Variants in SPON2 observed in about 807,000 individuals in gnomAD.
The protein encoded by SPON2 is spondin-2.
SPON2 carries 32 observed loss-of-function variants against 29.9 expected under a neutral mutation model. The ratio of observed to expected loss-of-function variants is 1.07; its 90% CI spans 0.81 to 1.44. The LOEUF (loss-of-function observed/expected upper bound fraction) is 1.44. SPON2 is among the 40% of genes most tolerant of loss of function. SPON2 has a pLI of 0.00. For synonymous variants in SPON2, 248 were observed against 209.1 expected, an observed-to-expected ratio of 1.19 and a Z score of -1.61; for missense variants, 541 against 455.5, an observed-to-expected ratio of 1.19 and a Z score of -1.71.
At chr4:1,197,009 A>C (rs1222259838), upstream of SPON2, 1 of 152,200 alleles carries the variant, frequency 6.6e-6, no homozygotes, top group Non-Finnish European at 1.5e-5. Flanking sequence ...ACTGAGATAG[A>C]AGACATAAAC....
chr4:1,173,927 G>A (rs1437916812), upstream of SPON2, among the ~76,000 whole-genome samples: 7 of 152,242 alleles, frequency 4.6e-5, no homozygotes, highest in South Asian at 2.1e-4. Flanking sequence ...AGGGCCAGGC[G>A]CAGTGGCTCA....
chr4:1,167,442 G>T lies in SPON2; in HGVS notation c.*30C>A, dbSNP rs954204031. 1 of 1,597,162 alleles carries T rather than the reference G, an allele frequency of 6.3e-7. No individual in the cohort carries two copies. The highest frequency in any genetic ancestry group is 8.5e-7 in the Non-Finnish European group (1 of 1,170,250). On this transcript the variant is annotated 3_prime_UTR_variant, in exon 6 of 6. Coordinates refer to ENST00000290902, the MANE Select transcript of SPON2 (RefSeq NM_012445.4). ...GAGCCCCCGACACCCCATGGCTCCGGGGGGCCCCAGGGGCTGCGGGGCTCT... is the reference window on the plus strand; with the variant it reads ...GAGCCCCCGACACCCCATGGCTCCGTGGGGCCCCAGGGGCTGCGGGGCTCT...
Position 1,170,429 on chromosome 4 carries a change from C to T in SPON2, c.784G>A (p.Asp262Asn), listed in dbSNP as rs766220482. The T allele has an allele frequency of 9.3e-6, 15 of 1,613,558 alleles. No homozygotes were observed. Among genetic ancestry groups the T allele is most frequent in the Non-Finnish European group, 1.3e-5 (15 of 1,179,886 alleles). ...GAGGCGCTGTCTACAATCTCATTGT[C>T]CCTGCTGGGCAGGACTGGGGCGGGA... is the stretch of plus-strand genomic sequence containing the variant. Reference protein sequence around the residue: ...IPPAPVLPSRDNEIVDSASVP... With the variant: ...IPPAPVLPSRNNEIVDSASVP... The change falls in exon 5 of 6, where the codon GAC (aspartate) becomes AAC (asparagine). Residue 262 changes from aspartate to asparagine, a missense_variant. Asp to Asn is a conservative substitution (Grantham distance 23, BLOSUM62 1). Transcript: ENST00000290902.
rs1324805055 is a variant in SPON2, at chr4:1,167,260, A to C, written c.*212T>G. On this transcript the variant is annotated 3_prime_UTR_variant, in exon 6 of 6. Transcript: ENST00000290902. Reference sequence around the variant, plus strand: ...AGCAGACGGGACACGGGGGCCCCTAAGAAGCAAGGTTGGGAAAGGAGGAGG... The same window carrying C: ...AGCAGACGGGACACGGGGGCCCCTACGAAGCAAGGTTGGGAAAGGAGGAGG... 5.6e-6 allele frequency: 3 copies of C among 534,830 alleles called. No individual in the cohort carries two copies. The highest frequency in any genetic ancestry group is 6.5e-6 in the Non-Finnish European group (2 of 306,570). 33.1% of individuals were successfully genotyped at this position (534,830 alleles called of 1,614,324 possible). A position where few individuals can be genotyped will look rare whatever the true frequency, so the allele number is the denominator to read the frequency against.
At chr4:1,195,492 C>G, upstream of SPON2, among the ~76,000 whole-genome samples, 1 of 151,574 alleles carries the variant, frequency 6.6e-6, no homozygotes. Flanking sequence ...CTGAACCTCC[C>G]CCCGCCTCTC....
intron 1 of SPON2, among the ~76,000 whole-genome samples, chr4:1,186,707 G>C (rs1268519793): frequency 6.6e-6 from 1 of 152,170 alleles, no homozygotes; most frequent in East Asian, 1.9e-4. Flanking sequence ...ATTTAAAAAT[G>C]GGCAGAGGAC....
chr4:1,171,712 G>T, intron 2 of SPON2, 140 bp downstream of exon 2: 3 of 793,818 alleles, frequency 3.8e-6, no homozygotes, highest in Non-Finnish European at 6.2e-6. Context: ...CACCGCAGGC[G>T]CTCGGCAAAC....
intron 1 of SPON2, among the ~76,000 whole-genome samples, chr4:1,179,728 A>G (rs1267382350): frequency 1.3e-5 from 2 of 152,210 alleles, no homozygotes; most frequent in African/African-American, 4.8e-5. Context: ...CATTTGTGAT[A>G]AAAACTAACA....
chr4:1,205,994 A>C (rs1032434642), intron 1 of SPON2, among the ~76,000 whole-genome samples: 1 of 150,970 alleles, frequency 6.6e-6, no homozygotes, highest in Non-Finnish European at 1.5e-5. Flanking sequence ...CAGGCCCCCA[A>C]CCCTGACCAG....
chr4:1,176,852 CTTCATTCA>C (rs200639036), upstream of SPON2, among the ~76,000 whole-genome samples: 14 of 151,720 alleles, frequency 9.2e-5, no homozygotes, highest in African/African-American at 3.2e-4. Flanking sequence ...CATTCACACA[CTTCATTCA>C]TTCATTCACA....
rs1019368890 is a variant in SPON2, at chr4:1,170,787, G to A, written c.637-211C>T. 1.6e-5 allele frequency: 15 copies of A among 946,978 alleles called. No individual in the cohort carries two copies. In the African/African-American group the frequency reaches 2.3e-4, roughly 14 times the overall value. 58.7% of individuals were successfully genotyped at this position (946,978 alleles called of 1,614,324 possible). Reference sequence around the variant, plus strand: ...GCAGCCTCCTCGGGACGCGCGTCCCGCTGTCCTCCCTGCGGTGCTGTGACC... The same window carrying A: ...GCAGCCTCCTCGGGACGCGCGTCCCACTGTCCTCCCTGCGGTGCTGTGACC... On this transcript the variant is annotated intron_variant, in intron 4 of 5. Coordinates refer to ENST00000290902, the MANE Select transcript of SPON2 (RefSeq NM_012445.4).
At chr4:1,178,573 TA>T (rs1727649123) in intron 2 of SPON2, among the ~76,000 whole-genome samples, 1 of 152,024 alleles carries the variant, frequency 6.6e-6, no homozygotes, top group Non-Finnish European at 1.5e-5. Flanking sequence ...TCTCCCTACC[TA>T]AAGGATTCTT....
At chr4:1,192,578 G>A in intron 1 of SPON2, among the ~76,000 whole-genome samples, 1 of 152,186 alleles carries the variant, frequency 6.6e-6, no homozygotes, top group Non-Finnish European at 1.5e-5. Flanking sequence ...GGCAGCGGGA[G>A]CAGCACAGAG....
chr4:1,169,658 C>G (rs927018129), intron 5 of SPON2: 1 of 152,478 alleles, frequency 6.6e-6, no homozygotes, highest in Non-Finnish European at 1.5e-5. Context: ...TGGAGGACGA[C>G]GGGGCCCATG....
chr4:1,181,692 G>T (rs530496377), intron 1 of SPON2, among the ~76,000 whole-genome samples: 1 of 152,156 alleles, frequency 6.6e-6, no homozygotes, highest in African/African-American at 2.4e-5. Flanking sequence ...CAGCCCCAGC[G>T]CAGACAGTTA....
chr4:1,185,343 T>A (rs1292340217), intron 1 of SPON2, among the ~76,000 whole-genome samples: 3 of 151,748 alleles, frequency 2.0e-5, no homozygotes, highest in Admixed American at 6.6e-5. Flanking sequence ...CCCAAAGTGC[T>A]GGGATTACAG....
chr4:1,186,076 C>G (rs1418627513), intron 1 of SPON2, among the ~76,000 whole-genome samples: 2 of 140,372 alleles, frequency 1.4e-5, no homozygotes, highest in Admixed American at 7.6e-5. Context: ...AACCCCATCT[C>G]TACTAAAAAT....
rs557085026 is a variant in SPON2 at position 1,167,013 on chromosome 4, A to G, written c.*459T>C. The G allele has an allele frequency of 1.3e-5, 2 of 157,922 alleles. No homozygotes were observed. Among genetic ancestry groups the G allele is most frequent in the African/African-American group, 4.8e-5 (2 of 41,768 alleles). 9.8% of individuals were successfully genotyped at this position (157,922 alleles called of 1,614,324 possible). A position where few individuals can be genotyped will look rare whatever the true frequency, so the allele number is the denominator to read the frequency against. ...ACACTGACGCTTCCGAAACCGCCCC[A>G]TTTATTCACTTCTCAAGTGGCCCCC... On this transcript the variant is annotated 3_prime_UTR_variant, in exon 6 of 6. Transcript: ENST00000290902.
At chr4:1,176,019 A>G (rs1478555943), upstream of SPON2, among the ~76,000 whole-genome samples, 1 of 152,116 alleles carries the variant, frequency 6.6e-6, no homozygotes, top group East Asian at 1.9e-4. Flanking sequence ...CTGTGCTCAG[A>G]GAGGGGGACA....
Sources: allele counts gnomAD v4.1 joint callset (sites outside exome capture counted in the v4.1 genomes callset), GRCh38; gene constraint gnomAD v4.1.1; transcripts MANE v1.5; gene names NCBI Gene and HGNC (gene_info 2026-07-23, HGNC 2026-07-21).